The following PCDHGA6 variants were observed in gnomAD, a reference collection of about 807,000 sequenced individuals.
PCDHGA6 encodes protocadherin gamma-A6.
A neutral mutation model predicts 60.6 loss-of-function variants in PCDHGA6; 41 were observed. That is an observed-to-expected ratio of 0.68 (90% CI 0.53 to 0.88). The LOEUF (loss-of-function observed/expected upper bound fraction) is 0.88. PCDHGA6 is among the 40% of genes least tolerant of loss of function. The probability of loss-of-function intolerance (pLI) is 0.00; values close to 1 mark genes in which losing one functional copy is unlikely to be tolerated. For missense variants in PCDHGA6, 1,312 were observed against 1,203.0 expected (o/e 1.09, Z -1.34); for synonymous variants, 594 against 524.4 (o/e 1.13, Z -1.81).
intron 2 of PCDHGA6, among the ~76,000 whole-genome samples, chr5:141,502,905 A>T (rs1364939091): frequency 1.5e-5 from 2 of 131,814 alleles, no homozygotes; most frequent in Non-Finnish European, 3.0e-5. Flanking sequence ...CTCTGTTGCC[A>T]GGCTGGAGTG....
At chr5:141,447,214 A>G (rs2098530358) in intron 1 of PCDHGA6, among the ~76,000 whole-genome samples, 1 of 152,092 alleles carries the variant, frequency 6.6e-6, no homozygotes, top group Admixed American at 6.6e-5. Context: ...ATCTCGGCTC[A>G]CTGCAACCTC....
chr5:141,470,658 G>T lies in PCDHGA6; in HGVS notation c.2425-24149G>T, dbSNP rs527415532. Among the ~76,000 whole-genome samples the T allele has an allele frequency of 4.7e-3, 721 of 152,024 alleles. 9 individuals carry two copies. The highest frequency in any genetic ancestry group is 6.7e-3 in the Non-Finnish European group (452 of 67,944). On this transcript the variant is annotated intron_variant, in intron 1 of 3. Transcript: ENST00000517434. ...CTTGCTTTGAAGGCCCCTACCCTTT[G>T]GTTAGGGCTCTGCTGTTACCATCTT... is the stretch of plus-strand genomic sequence containing the variant.
chr5:141,389,918 C>A (rs1341057088), intron 1 of PCDHGA6: 5 of 1,613,966 alleles, frequency 3.1e-6, no homozygotes, highest in Non-Finnish European at 4.2e-6. Flanking sequence ...ACCGCCCCGA[C>A]CCCTCTGACC....
At chr5:141,498,011 G>A (rs995865984) in intron 2 of PCDHGA6, among the ~76,000 whole-genome samples, 2 of 152,204 alleles carry the variant, frequency 1.3e-5, no homozygotes, top group Non-Finnish European at 2.9e-5. Flanking sequence ...ACAGTGCACT[G>A]AAGGAGACAA....
Position 141,410,164 on chromosome 5 carries a change from C to T in PCDHGA6, c.2424+33657C>T, listed in dbSNP as rs756470415. The T allele has an allele frequency of 4.4e-5, 71 of 1,613,642 alleles. No homozygotes were observed. The highest frequency in any genetic ancestry group is 5.8e-5 in the Non-Finnish European group (69 of 1,179,812). On this transcript the variant is annotated intron_variant, in intron 1 of 3. Transcript: ENST00000517434. ...TGCGTGACGGTGGACAGCCGCCACTCTCTGCCACCGCCACGCTTCATCTGG... is the reference window on the plus strand; with the variant it reads ...TGCGTGACGGTGGACAGCCGCCACTTTCTGCCACCGCCACGCTTCATCTGG...
chr5:141,473,879 C>G (rs937312573), intron 1 of PCDHGA6, among the ~76,000 whole-genome samples: 2 of 152,120 alleles, frequency 1.3e-5, no homozygotes, highest in Admixed American at 1.3e-4. Context: ...AATGCATACA[C>G]AAGGGTTCTG....
intron 1 of PCDHGA6, among the ~76,000 whole-genome samples, chr5:141,446,167 G>A (rs1357034077): frequency 6.6e-6 from 1 of 152,188 alleles, no homozygotes; most frequent in African/African-American, 2.4e-5. Flanking sequence ...ATTTCATGAG[G>A]GCAGGGGGTG....
At chr5:141,381,826 CT>C (rs770630741) in intron 1 of PCDHGA6, among the ~76,000 whole-genome samples, 3,016 of 74,262 alleles carry the variant, frequency 0.041, 29 homozygotes, top group African/African-American at 0.078. Flanking sequence ...CTTTCTTCTT[CT>C]TTTTTTTTTT....
chr5:141,422,901 C>T (rs768086403), intron 1 of PCDHGA6: 5 of 1,614,276 alleles, frequency 3.1e-6, no homozygotes, highest in Non-Finnish European at 4.2e-6. Context: ...ACCAGAACGA[C>T]AATGCGCCCG....
intron 1 of PCDHGA6, chr5:141,404,091 G>A (rs1404367820): frequency 6.2e-7 from 1 of 1,613,422 alleles, no homozygotes; most frequent in Non-Finnish European, 8.5e-7. Flanking sequence ...GGGAAGAATG[G>A]TCAAGTTGTC....
At chr5:141,408,055 C>CCGG in intron 1 of PCDHGA6, 1 of 1,299,130 alleles carries the variant, frequency 7.7e-7, no homozygotes, top group South Asian at 1.6e-5. Flanking sequence ...ACAGAGCCTC[C>CCGG]CGGCTGCGCA....
intron 1 of PCDHGA6, chr5:141,421,414 C>A (rs2096570568): frequency 1.9e-6 from 3 of 1,614,066 alleles, no homozygotes; most frequent in South Asian, 2.2e-5. Flanking sequence ...GCTGGCGAAG[C>A]GCGGAGTCCG....
At chr5:141,455,552 G>T (rs897699654) in intron 1 of PCDHGA6, among the ~76,000 whole-genome samples, 1 of 152,144 alleles carries the variant, frequency 6.6e-6, no homozygotes, top group African/African-American at 2.4e-5. Flanking sequence ...CGTAGCCCGA[G>T]AAAAAGCTGG....
intron 1 of PCDHGA6, 106 bp from the exon 2 acceptor site, chr5:141,494,701 C>T: frequency 6.3e-7 from 1 of 1,594,596 alleles, no homozygotes; most frequent in Admixed American, 1.7e-5. Flanking sequence ...CCGTTTTCTT[C>T]TCTGTGCCCA....
chr5:141,389,494 C>T (rs1300548775), intron 1 of PCDHGA6: 2 of 1,613,058 alleles, frequency 1.2e-6, no homozygotes, highest in East Asian at 2.2e-5. Context: ...GACCAGGGCT[C>T]GCCAGCGCTC....
At chr5:141,496,637 C>T (rs907246032) in intron 2 of PCDHGA6, among the ~76,000 whole-genome samples, 6 of 152,214 alleles carry the variant, frequency 3.9e-5, no homozygotes, top group Non-Finnish European at 7.3e-5. Context: ...GCTTGGGCTG[C>T]CCTTGCCCTT....
At chr5:141,381,826 C>CTTTTTTTTTTTTTTTTTTTTTTTTCTTT (rs770630741) in intron 1 of PCDHGA6, among the ~76,000 whole-genome samples, 1 of 74,284 alleles carries the variant, frequency 1.3e-5, no homozygotes, top group Non-Finnish European at 2.4e-5. Context: ...CTTTCTTCTT[C>CTTTTTTTTTTTTTTTTTTTTTTTTCTTT]TTTTTTTTTT....
chr5:141,434,106 T>C (rs1195019110), intron 1 of PCDHGA6, among the ~76,000 whole-genome samples: 1 of 152,236 alleles, frequency 6.6e-6, no homozygotes, highest in Non-Finnish European at 1.5e-5. Context: ...TGTCCCAGGA[T>C]TGGCCTTTGG....
chr5:141,467,781 C>G (rs2099151581), intron 1 of PCDHGA6, among the ~76,000 whole-genome samples: 1 of 152,228 alleles, frequency 6.6e-6, no homozygotes, highest in East Asian at 1.9e-4. Context: ...ACCTCAGCCT[C>G]TCAAGTAGCT....
Sources: allele counts gnomAD v4.1 joint callset (sites outside exome capture counted in the v4.1 genomes callset), GRCh38; gene constraint gnomAD v4.1.1; transcripts MANE v1.5; gene names NCBI Gene and HGNC (gene_info 2026-07-23, HGNC 2026-07-21).